CUX1: variants seen among roughly 807,000 people sequenced by gnomAD.
CUX1 encodes protein CASP.
CUX1 carries 31 observed loss-of-function variants against 158.8 expected under a neutral mutation model. That is an observed-to-expected ratio of 0.20 (90% CI 0.15 to 0.26). CUX1 has a LOEUF of 0.26. Ranked by LOEUF, CUX1 falls within the 10% of genes least tolerant of loss-of-function variation. CUX1 has a pLI of 1.00. For missense variants in CUX1, 1,589 were observed against 2,014.6 expected (o/e 0.79, Z 4.04); for synonymous variants, 879 against 862.1 (o/e 1.02, Z -0.34).
intron 1 of CUX1, chr7:101,824,275 G>C (rs913839981): frequency 6.6e-6 from 1 of 152,212 alleles, no homozygotes; most frequent in Non-Finnish European, 1.5e-5. Context: ...TTTTAGTAGA[G>C]ACAGGGTTTC....
At chr7:101,968,374 TAA>T (rs1324621758) in intron 2 of CUX1, among the ~76,000 whole-genome samples, 1 of 152,104 alleles carries the variant, frequency 6.6e-6, no homozygotes, top group Non-Finnish European at 1.5e-5. Flanking sequence ...CTGCTTTTGT[TAA>T]AGTGTCTGGG....
chr7:102,158,728 T>C lies in CUX1; in HGVS notation c.723+120T>C. 3.4e-6 allele frequency: 3 copies of C among 884,890 alleles called. No homozygotes were observed. The South Asian group carries it at 4.4e-5, about 13-fold the overall frequency. 54.8% of individuals were successfully genotyped at this position (884,890 alleles called of 1,614,324 possible). Reference sequence around the variant, plus strand: ...TATCCTTCCATTTTTTACTGACAGCTTTCAACGTCGATGCTCCTTCTGTTG... The same window carrying C: ...TATCCTTCCATTTTTTACTGACAGCCTTCAACGTCGATGCTCCTTCTGTTG... On this transcript the variant is annotated intron_variant, in intron 9 of 23. Coordinates refer to ENST00000292535, the MANE Select transcript of CUX1 (RefSeq NM_181552.4).
chr7:102,197,350 A>G (rs782809213), intron 15 of CUX1, 45 bp downstream of exon 15: 1 of 1,585,102 alleles, frequency 6.3e-7, no homozygotes, highest in African/African-American at 1.3e-5. Context: ...AGCCCGTCAC[A>G]GAGTTGCACA....
intron 20 of CUX1, among the ~76,000 whole-genome samples, chr7:102,206,260 C>T (rs1053067111): frequency 1.3e-5 from 2 of 152,096 alleles, no homozygotes. Context: ...CTCTGACCAA[C>T]GTGGGGGTCG....
In CUX1 at chr7:101,873,178, C is replaced by CTT. The variant is rs35246188; in HGVS notation, c.31-42918_31-42917dup. Among the ~76,000 whole-genome samples the CTT allele has an allele frequency of 2.0e-3, 241 of 119,674 alleles. 2 individuals are homozygous for CTT. Among genetic ancestry groups the CTT allele is most frequent in the South Asian group, 0.012 (42 of 3,582 alleles). The allele number at this position is 119,674 out of a possible 152,430, so 78.5% of individuals were successfully genotyped here. ...GAGCCACCGCGCCTGGCCTCAGCTT[C>CTT]TTTTTTTTTTTTTTTTTTTTAATTT... On this transcript the variant is annotated intron_variant, in intron 1 of 23. Transcript: ENST00000292535.
intron 23 of CUX1, among the ~76,000 whole-genome samples, chr7:102,243,392 G>A (rs1800430513): frequency 6.6e-6 from 1 of 152,138 alleles, no homozygotes; most frequent in African/African-American, 2.4e-5. Context: ...TCCAAGAGAT[G>A]AGTTTGAGCT....
intron 2 of CUX1, among the ~76,000 whole-genome samples, chr7:101,977,533 T>G (rs1812868238): frequency 6.6e-6 from 1 of 152,060 alleles, no homozygotes; most frequent in Non-Finnish European, 1.5e-5. Context: ...TCCCAGCTAT[T>G]TGGGAGGGTG....
At chr7:101,965,100 C>G (rs942464780) in intron 2 of CUX1, among the ~76,000 whole-genome samples, 23 of 152,332 alleles carry the variant, frequency 1.5e-4, no homozygotes, top group African/African-American at 5.1e-4. Context: ...ATTCCCGTGC[C>G]TTGCCCCTGA....
upstream of CUX1, chr7:101,817,612 G>A: frequency 2.6e-6 from 4 of 1,540,324 alleles, no homozygotes; most frequent in African/African-American, 1.4e-5. This position sits in a 1 kb window ranked among gnomAD's most constrained non-coding sequence, Gnocchi z 4.1. Flanking sequence ...CCGCGGCGCC[G>A]GGACAGCCCC....
rs782307805 is a variant in CUX1, at chr7:102,216,604, A to ACACACTCCCACACACACACT, written c.3131-10758_3131-10757insTCCCACACACACACTCACAC. On this transcript the variant is annotated intron_variant, in intron 20 of 23. Coordinates refer to ENST00000292535, the MANE Select transcript of CUX1 (RefSeq NM_181552.4). ...CTCTCCCACACACACACTCCCACACACACACACACACTCCCCACACACACA... is the reference window on the plus strand; with the variant it reads ...CTCTCCCACACACACACTCCCACACACACACTCCCACACACACACTCACACACACACTCCCCACACACACA... Among the ~76,000 whole-genome samples, 49 of 64,894 alleles carry ACACACTCCCACACACACACT rather than the reference A, an allele frequency of 7.6e-4. 1 individual carries two copies. The highest frequency in any genetic ancestry group is 3.0e-3 in the African/African-American group (49 of 16,558). 42.6% of individuals were successfully genotyped at this position (64,894 alleles called of 152,430 possible).
chr7:102,280,064 C>A (rs141515782), exon 19 of CUX1: 69 of 1,610,176 alleles, frequency 4.3e-5, no homozygotes, highest in Non-Finnish European at 5.6e-5. Context: ...CACGGAGCTG[C>A]GGTACTCGTC....
chr7:101,984,077 C>CCAA (rs1185648555), intron 2 of CUX1, among the ~76,000 whole-genome samples: 13 of 16,760 alleles, frequency 7.8e-4, no homozygotes, highest in African/African-American at 3.4e-3. Flanking sequence ...TGTCCCCCCC[C>CCAA]AAAAAAAAAA....
At position 102,255,018 on chromosome 7, in the gene CUX1, C is replaced by T. The variant is rs139735211; in HGVS notation, c.*5976C>T. 82 of 985,390 alleles carry T rather than the reference C, an allele frequency of 8.3e-5. No homozygotes were observed. Among genetic ancestry groups the T allele is most frequent in the African/African-American group, 1.6e-4 (9 of 57,306 alleles). 61.0% of individuals were successfully genotyped at this position (985,390 alleles called of 1,614,324 possible). On this transcript the variant is annotated 3_prime_UTR_variant, in exon 24 of 24. Coordinates refer to ENST00000292535, the MANE Select transcript of CUX1 (RefSeq NM_181552.4). ...CACCAACCCTTGGGCTTAATCAGGA[C>T]GGAAGAGGAGGGGGTGTGGGGGGCA...
chr7:101,889,441 G>A (rs11765661), intron 1 of CUX1, among the ~76,000 whole-genome samples: 30,223 of 152,058 alleles, frequency 0.2, 3,828 homozygotes, highest in Non-Finnish European at 0.28. Context: ...TCATAAAATG[G>A]CCTTGAGAAA....
At chr7:102,183,047 A>C (rs184964601) in intron 11 of CUX1, among the ~76,000 whole-genome samples, 22 of 152,246 alleles carry the variant, frequency 1.4e-4, no homozygotes, top group African/African-American at 5.1e-4. Context: ...CCATGGAGAC[A>C]CTATGGGATG....
At chr7:102,093,360 ATTT>A (rs1312600448) in intron 4 of CUX1, among the ~76,000 whole-genome samples, 8 of 151,406 alleles carry the variant, frequency 5.3e-5, no homozygotes, top group Admixed American at 3.9e-4. Context: ...TAATTTTTGT[ATTT>A]TTTCCAGAGA....
intron 1 of CUX1, among the ~76,000 whole-genome samples, chr7:101,823,455 C>A (rs960719833): frequency 6.6e-6 from 1 of 152,172 alleles, no homozygotes. Flanking sequence ...AAGCACACGA[C>A]CCCCCAGAGT....
intron 2 of CUX1, among the ~76,000 whole-genome samples, chr7:102,001,666 T>C (rs1288276339): frequency 6.6e-6 from 1 of 152,204 alleles, no homozygotes. Flanking sequence ...TTTAATGCTG[T>C]ATTGCCATTA....
chr7:102,192,859 C>T (rs1476106391), intron 12 of CUX1, among the ~76,000 whole-genome samples: 2 of 152,188 alleles, frequency 1.3e-5, no homozygotes, highest in Admixed American at 1.3e-4. Context: ...CCCCTCTTCT[C>T]CCTGGTAAAC....
Sources: gnomAD v4.1 joint callset for allele counts (sites outside exome capture counted in the v4.1 genomes callset) on GRCh38, gnomAD v4.1.1 for gene constraint, Gnocchi (gnomAD v3.1) non-coding constraint, MANE v1.5 for transcripts, NCBI Gene and HGNC (gene_info 2026-07-23, HGNC 2026-07-21) for gene names.